Variants in RIPK2 observed in about 807,000 individuals in gnomAD.
RIPK2 encodes receptor interacting serine/threonine kinase 2.
A neutral mutation model predicts 60.9 loss-of-function variants in RIPK2; 38 were observed. The ratio of observed to expected loss-of-function variants is 0.62; its 90% CI spans 0.48 to 0.82. The LOEUF is 0.82. Among genes scored for constraint, RIPK2 ranks in the 40% least tolerant of loss-of-function variants. The probability of loss-of-function intolerance (pLI) is 0.00; values close to 1 mark genes in which losing one functional copy is unlikely to be tolerated. For synonymous variants in RIPK2, 225 were observed against 223.4 expected, an observed-to-expected ratio of 1.01 and a Z score of -0.06; for missense variants, 518 against 647.0, an observed-to-expected ratio of 0.80 and a Z score of 2.16.
chr8:89,762,338 C>T (rs528470110), intron 1 of RIPK2, among the ~76,000 whole-genome samples: 16 of 152,108 alleles, frequency 1.1e-4, no homozygotes, highest in East Asian at 9.6e-4. Context: ...ATATTACTGA[C>T]TTTTATGCAG....
intron 7 of RIPK2, among the ~76,000 whole-genome samples, chr8:89,781,908 T>C (rs1809507542): frequency 2.0e-5 from 3 of 152,212 alleles, no homozygotes; most frequent in Non-Finnish European, 4.4e-5. Flanking sequence ...TCTTGCACTT[T>C]GGGCCATTAG....
Position 89,762,838 on chromosome 8 carries a change from G to T in RIPK2, c.183G>T (p.Lys61Asn). Residue 61 changes from lysine (K) to asparagine (N), a missense_variant, in exon 2 of 11, where the codon AAG becomes AAT. Lys to Asn is a moderately conservative substitution (Grantham distance 94). Coordinates refer to ENST00000220751, the MANE Select transcript of RIPK2 (RefSeq NM_003821.6). ...IHTPLLDSERKDVLREAEILH... is the reference protein window; with the variant it reads ...IHTPLLDSERNDVLREAEILH... ...CATTTTTTTTTCTTAGTGAAAGAAAGGATGTCTTAAGAGAAGCTGAAATTT... is the reference window on the plus strand; with the variant it reads ...CATTTTTTTTTCTTAGTGAAAGAAATGATGTCTTAAGAGAAGCTGAAATTT... 1 of 1,405,282 alleles carries T rather than the reference G, an allele frequency of 7.1e-7. No homozygotes were observed. The highest frequency in any genetic ancestry group is 2.4e-5 in the Admixed American group (1 of 41,310). The allele number at this position is 1,405,282 out of a possible 1,614,324, so 87.1% of individuals were successfully genotyped here.
At chr8:89,778,913 T>C (rs7834895) in intron 6 of RIPK2, among the ~76,000 whole-genome samples, 78 of 152,372 alleles carry the variant, frequency 5.1e-4, no homozygotes, top group African/African-American at 1.7e-3. Context: ...TGCATTATCT[T>C]ATTCCCACCA....
chr8:89,776,752 A>G (rs892964556), intron 6 of RIPK2, among the ~76,000 whole-genome samples: 1 of 152,130 alleles, frequency 6.6e-6, no homozygotes, highest in African/African-American at 2.4e-5. Context: ...GAGAAGTGGT[A>G]TTTAGTGTCT....
At chr8:89,781,614 T>G (rs16900581) in intron 7 of RIPK2, among the ~76,000 whole-genome samples, 79 of 152,250 alleles carry the variant, frequency 5.2e-4, no homozygotes, top group African/African-American at 1.8e-3. Flanking sequence ...GTGATACTTA[T>G]AGGGCAAGAA....
chr8:89,757,856 G>A lies in RIPK2; in HGVS notation c.-205G>A. The A allele has an allele frequency of 7.5e-7, 1 of 1,333,558 alleles. No homozygotes were observed. The highest frequency in any genetic ancestry group is 1.9e-5 in the South Asian group (1 of 53,212). The allele number at this position is 1,333,558 out of a possible 1,614,324, so 82.6% of individuals were successfully genotyped here. A position where few individuals can be genotyped will look rare whatever the true frequency, so the allele number is the denominator to read the frequency against. On this transcript the variant is annotated 5_prime_UTR_variant, in exon 1 of 11. Transcript: ENST00000220751. ...GGCGTTGGCACCAGTCTCTAGAAAA[G>A]AAGTCAGCTCTGGTTCGGAGAAGCA...
intron 6 of RIPK2, 126 bp downstream of exon 6, chr8:89,772,954 G>T: frequency 1.7e-6 from 1 of 581,872 alleles, no homozygotes. Context: ...ATTATTTTCT[G>T]TCTTATCATA....
intron 7 of RIPK2, among the ~76,000 whole-genome samples, chr8:89,781,953 T>C (rs1292987376): frequency 6.6e-6 from 1 of 152,122 alleles, no homozygotes; most frequent in African/African-American, 2.4e-5. Context: ...ATAAGAGTTA[T>C]TTGAACAGCC....
chr8:89,788,311 C>G (rs984118579), intron 9 of RIPK2, among the ~76,000 whole-genome samples: 3 of 151,130 alleles, frequency 2.0e-5, no homozygotes, highest in African/African-American at 7.3e-5. Flanking sequence ...CCACTGCACT[C>G]CATCCTGAGT....
intron 9 of RIPK2, among the ~76,000 whole-genome samples, chr8:89,786,908 A>C (rs80091185): frequency 0.059 from 9,032 of 151,990 alleles, 464 homozygotes; most frequent in East Asian, 0.25. Flanking sequence ...GTTCACACCT[A>C]TAATCCCAGC....
Position 89,790,137 on chromosome 8 carries a change from G to A in RIPK2, c.1344G>A (p.Val448=), listed in dbSNP as rs199937839. 17 of 1,614,004 alleles carry A rather than the reference G, an allele frequency of 1.1e-5. No individual in the cohort carries two copies. The highest frequency in any genetic ancestry group is 1.4e-5 in the Non-Finnish European group (16 of 1,180,016). Residue 448 remains valine, a synonymous_variant, in exon 11 of 11, where the codon GTG becomes GTA. Coordinates refer to ENST00000220751, the MANE Select transcript of RIPK2 (RefSeq NM_003821.6). Reference sequence around the variant, plus strand: ...TCCAGAGCAAAAGGGAAGACATTGTGAACCAAATGACAGAAGCCTGCCTTA... The same window carrying A: ...TCCAGAGCAAAAGGGAAGACATTGTAAACCAAATGACAGAAGCCTGCCTTA... ...QWIQSKREDI[V]NQMTEACLNQ...
chr8:89,784,916 A>G (rs1182309540), intron 8 of RIPK2, among the ~76,000 whole-genome samples: 1 of 152,180 alleles, frequency 6.6e-6, no homozygotes, highest in Non-Finnish European at 1.5e-5. Context: ...GAGAAATCAC[A>G]TGGTGAGACA....
intron 2 of RIPK2, 118 bp from the exon 3 acceptor site, chr8:89,765,223 C>A: frequency 1.6e-6 from 1 of 612,500 alleles, no homozygotes; most frequent in South Asian, 2.8e-5. Context: ...TAAAAATGAG[C>A]ATATGTTTTA....
chr8:89,771,688 A>G lies in RIPK2; in HGVS notation c.642-53A>G, dbSNP rs1809313257. On this transcript the variant is annotated intron_variant, in intron 4 of 10. Coordinates refer to ENST00000220751, the MANE Select transcript of RIPK2 (RefSeq NM_003821.6). Reference sequence around the variant, plus strand: ...TTTAAAAATAGTGCTATTTTAGTTTATTATGCAGAGTTCATTTAAAATATG... The same window carrying G: ...TTTAAAAATAGTGCTATTTTAGTTTGTTATGCAGAGTTCATTTAAAATATG... The G allele has an allele frequency of 4.0e-6, 5 of 1,258,430 alleles. No individual in the cohort carries two copies. In the South Asian group the frequency reaches 5.2e-5, roughly 13 times the overall value. 78.0% of individuals were successfully genotyped at this position (1,258,430 alleles called of 1,614,324 possible).
Position 89,758,037 on chromosome 8 carries a change from G to A in RIPK2, c.-24G>A. 1 of 1,554,892 alleles carries A rather than the reference G, an allele frequency of 6.4e-7. No homozygotes were observed. The highest frequency in any genetic ancestry group is 8.7e-7 in the Non-Finnish European group (1 of 1,148,872). ...GCCGCCGCAGCAGGGGGCACACCCG[G>A]AACCGGCCTGAGCGCCCGGGACCAT... On this transcript the variant is annotated 5_prime_UTR_variant, in exon 1 of 11. Coordinates refer to ENST00000220751, the MANE Select transcript of RIPK2 (RefSeq NM_003821.6).
rs1420151707 is a variant in RIPK2 at position 89,772,650 on chromosome 8, T to C, written c.692-17T>C. ...CATAATATATTACTAATGAATGCAA[T>C]CTATTTGTTTTGACAGATGTCACCA... On this transcript the variant is annotated splice_polypyrimidine_tract_variant and intron_variant, in intron 5 of 10. Transcript: ENST00000220751. The C allele has an allele frequency of 4.5e-6, 7 of 1,560,756 alleles. No individual in the cohort carries two copies. Among genetic ancestry groups the C allele is most frequent in the Non-Finnish European group, 6.1e-6 (7 of 1,142,610 alleles).
At chr8:89,775,879 C>A (rs755082894) in intron 6 of RIPK2, among the ~76,000 whole-genome samples, 6 of 152,126 alleles carry the variant, frequency 3.9e-5, no homozygotes, top group Non-Finnish European at 8.8e-5. Context: ...ATTACCCCTG[C>A]CTTCCCTTTC....
chr8:89,758,692 T>C (rs936098681), intron 1 of RIPK2, among the ~76,000 whole-genome samples: 36 of 152,332 alleles, frequency 2.4e-4, no homozygotes, highest in African/African-American at 8.7e-4. Context: ...CAGGTGGCTA[T>C]TGAGCACTTG....
chr8:89,782,974 C>T (rs971761024), intron 7 of RIPK2, among the ~76,000 whole-genome samples: 1 of 152,058 alleles, frequency 6.6e-6, no homozygotes, highest in Non-Finnish European at 1.5e-5. Flanking sequence ...AGAGATAAAA[C>T]CAAAAACTCA....
Sources: allele counts gnomAD v4.1 joint callset (sites outside exome capture counted in the v4.1 genomes callset), GRCh38; gene constraint gnomAD v4.1.1; transcripts MANE v1.5; gene names NCBI Gene and HGNC (gene_info 2026-07-23, HGNC 2026-07-21).